Variants in CDHR2 observed in about 807,000 individuals in gnomAD.
CDHR2 encodes cadherin-related family member 2.
In CDHR2, 104 loss-of-function variants were observed where a neutral mutation model predicts 138.6. That is an observed-to-expected ratio of 0.75 (90% CI 0.64 to 0.88). The LOEUF (loss-of-function observed/expected upper bound fraction) is 0.88. Among genes scored for constraint, CDHR2 ranks in the 40% least tolerant of loss-of-function variants. CDHR2 has a pLI of 0.00. For synonymous variants in CDHR2, 755 were observed against 742.8 expected (o/e 1.02, Z -0.27); for missense variants, 1,624 against 1,727.6 (o/e 0.94, Z 1.06).
chr5:176,551,066 A>C (rs1757693747), intron 1 of CDHR2, among the ~76,000 whole-genome samples: 1 of 151,746 alleles, frequency 6.6e-6, no homozygotes, highest in African/African-American at 2.4e-5. Context: ...CTGGAGTGCA[A>C]GGCGCTATCT....
In CDHR2 at chr5:176,595,646, G is replaced by A. The variant is rs769022271; in HGVS notation, c.3907G>A (p.Ala1303Thr). ...GQLEGPSYTNAGLDTTDL is the reference protein window; with the variant it reads ...GQLEGPSYTNTGLDTTDL Reference sequence around the variant, plus strand: ...GCTGGAGGGGCCATCCTACACCAACGCTGGCCTGGACACCACGGACCTGTG... The same window carrying A: ...GCTGGAGGGGCCATCCTACACCAACACTGGCCTGGACACCACGGACCTGTG... The change falls in exon 32 of 32, where the codon GCT becomes ACT. Residue 1303 changes from alanine (A) to threonine (T), a missense_variant. Ala to Thr is a moderately conservative substitution (Grantham distance 58, BLOSUM62 0). Around this residue, in one of 3 missense-constraint regions of CDHR2, gnomAD observed 556 missense variants for 565.7 expected, o/e 0.98. Transcript: ENST00000261944. 4.4e-6 allele frequency: 7 copies of A among 1,607,792 alleles called. 1 individual carries two copies. The South Asian group carries it at 5.5e-5, about 13-fold the overall frequency.
At chr5:176,582,380 C>A (rs1758552534) in intron 17 of CDHR2, among the ~76,000 whole-genome samples, 1 of 152,092 alleles carries the variant, frequency 6.6e-6, no homozygotes. Context: ...ATTGTCCAGG[C>A]CAATTTTGAA....
chr5:176,591,807 A>T, intron 30 of CDHR2: 4 of 188,950 alleles, frequency 2.1e-5, no homozygotes, highest in Middle Eastern at 2.5e-3. Flanking sequence ...TGTTGAGGTG[A>T]TGGTGATGGT....
At chr5:176,588,966 C>T (rs922735655) in intron 21 of CDHR2, 65 bp from the exon 22 acceptor site, 1 of 1,563,996 alleles carries the variant, frequency 6.4e-7, no homozygotes, top group Non-Finnish European at 8.7e-7. Context: ...GCCTCTGATC[C>T]CTGCTGGGGT....
In CDHR2 at chr5:176,574,140, T is replaced by C; in HGVS notation, c.463T>C (p.Ser155Pro). ...GCTGGCCGTGGATAAAGACATGGGGTCTGCAGGCATGGTCGTGTACTCCAT... is the reference window on the plus strand; with the variant it reads ...GCTGGCCGTGGATAAAGACATGGGGCCTGCAGGCATGGTCGTGTACTCCAT... ...SVLAVDKDMG[S>P]AGMVVYSIEK... Residue 155 changes from serine (S) to proline (P), a missense_variant, in exon 7 of 32, where the codon TCT becomes CCT. Physicochemically the swap from Ser to Pro is moderately conservative, Grantham distance 74. This residue lies in a region of CDHR2 where 1,061 missense variants were observed against 1,136.6 expected (regional missense o/e 0.93). Coordinates refer to ENST00000261944, the MANE Select transcript of CDHR2 (RefSeq NM_017675.6). 1 of 1,613,840 alleles carries C rather than the reference T, an allele frequency of 6.2e-7. No individual in the cohort carries two copies. Among genetic ancestry groups the C allele is most frequent in the East Asian group, 2.2e-5 (1 of 44,856 alleles).
chr5:176,565,586 AGG>A, intron 2 of CDHR2, 84 bp from the exon 3 acceptor site: 1 of 1,335,760 alleles, frequency 7.5e-7, no homozygotes, highest in Non-Finnish European at 1.1e-6. Flanking sequence ...GGTGGCCATA[AGG>A]ACTAGTGTGT....
At position 176,575,586 on chromosome 5, in the gene CDHR2, G is replaced by C; in HGVS notation, c.844+5G>C. ...CTGTGATCTACAGCATCTCCTGTGA[G>C]AACGGGGTGTCCCCAGGCCAGGGCT... On this transcript the variant is annotated splice_donor_5th_base_variant and intron_variant, in intron 10 of 31. Coordinates refer to ENST00000261944, the MANE Select transcript of CDHR2 (RefSeq NM_017675.6). 1 of 1,613,974 alleles carries C rather than the reference G, an allele frequency of 6.2e-7. No homozygotes were observed. The highest frequency in any genetic ancestry group is 1.1e-5 in the South Asian group (1 of 91,066).
intron 21 of CDHR2, among the ~76,000 whole-genome samples, chr5:176,588,379 G>C (rs1258580457): frequency 6.6e-6 from 1 of 150,800 alleles, no homozygotes; most frequent in East Asian, 1.9e-4. Context: ...GAGTGTGTGT[G>C]AATTGAGTGT....
intron 17 of CDHR2, among the ~76,000 whole-genome samples, chr5:176,583,045 T>G (rs1758565284): frequency 6.6e-6 from 1 of 152,114 alleles, no homozygotes; most frequent in African/African-American, 2.4e-5. Context: ...CACACAAGGG[T>G]CAGAGAGTGA....
At chr5:176,590,708 G>A (rs549092107) in intron 28 of CDHR2, 21 bp downstream of exon 28, 10 of 1,612,246 alleles carry the variant, frequency 6.2e-6, no homozygotes, top group South Asian at 3.3e-5. Flanking sequence ...CATTGCCCCC[G>A]TGTCTCCAAC....
chr5:176,578,552 G>A lies in CDHR2; in HGVS notation c.1762G>A (p.Gly588Ser), dbSNP rs759085066. The change falls in exon 16 of 32, where the codon GGC becomes AGC. Residue 588 changes from glycine to serine, a missense_variant. Gly to Ser is a moderately conservative substitution (Grantham distance 56, BLOSUM62 0). Around this residue, in one of 3 missense-constraint regions of CDHR2, gnomAD observed 1,061 missense variants for 1,136.6 expected, o/e 0.93. Transcript: ENST00000261944. ...DINDNAPVVS[G>S]SYNIFVQEEE... is the part of the protein sequence containing the mutation. ...CAACGACAATGCACCCGTGGTTAGC[G>A]GCTCCTACAACATCTTCGTCCAGGA... is the stretch of plus-strand genomic sequence containing the variant. 37 of 1,613,890 alleles carry A rather than the reference G, an allele frequency of 2.3e-5. No individual in the cohort carries two copies. Among genetic ancestry groups the A allele is most frequent in the East Asian group, 4.5e-5 (2 of 44,892 alleles).
rs1389841708 is a variant in CDHR2 at position 176,576,253 on chromosome 5, A to T, written c.1194+68A>T. On this transcript the variant is annotated intron_variant, in intron 12 of 31. Coordinates refer to ENST00000261944, the MANE Select transcript of CDHR2 (RefSeq NM_017675.6). This position sits in a 1 kb window ranked among gnomAD's most constrained non-coding sequence, Gnocchi z 4.5. ...GGCCAGTGGGAGCCTGGATCGAGTG[A>T]CGGTGTCATGTGGTGCTGGGTGGCG... is the stretch of plus-strand genomic sequence containing the variant. 2.3e-6 allele frequency: 3 copies of T among 1,285,008 alleles called. No homozygotes were observed. In the Admixed American group the frequency reaches 5.5e-5, roughly 24 times the overall value. 79.6% of individuals were successfully genotyped at this position (1,285,008 alleles called of 1,614,324 possible). A position where few individuals can be genotyped will look rare whatever the true frequency, so the allele number is the denominator to read the frequency against.
chr5:176,584,339 A>G lies in CDHR2; in HGVS notation c.2129-71A>G. 2.5e-6 allele frequency: 4 copies of G among 1,613,514 alleles called. No homozygotes were observed. In the South Asian group the frequency reaches 4.4e-5, roughly 18 times the overall value. ...GTCAGGGTGGACCTCGAGTTCCAAG[A>G]GAGGCAAGGGCAGAGGAGGCTTCCG... On this transcript the variant is annotated intron_variant, in intron 18 of 31. Coordinates refer to ENST00000261944, the MANE Select transcript of CDHR2 (RefSeq NM_017675.6).
At position 176,590,681 on chromosome 5, in the gene CDHR2, G is replaced by A. The variant is rs138471357; in HGVS notation, c.3533G>A (p.Arg1178Gln). Reference sequence around the variant, plus strand: ...ATGACCATGGCCTTCGTGTGTGTGCGGAAGAGGTGCGGCTCCCATTGCCCC... The same window carrying A: ...ATGACCATGGCCTTCGTGTGTGTGCAGAAGAGGTGCGGCTCCCATTGCCCC... ...VIMTMAFVCV[R>Q]KSYNRKLQAM... The change falls in exon 28 of 32, where the codon CGG (arginine) becomes CAG (glutamine). Residue 1178 changes from arginine to glutamine, a missense_variant. By Grantham distance (43) the Arg-to-Gln change is conservative (BLOSUM62 1). This residue lies in a region of CDHR2 where 556 missense variants were observed against 565.7 expected (regional missense o/e 0.98). Transcript: ENST00000261944. The A allele has an allele frequency of 1.9e-5, 31 of 1,613,070 alleles. No homozygotes were observed. The highest frequency in any genetic ancestry group is 9.4e-5 in the African/African-American group (7 of 74,846).
chr5:176,565,475 G>A, intron 2 of CDHR2, 71 bp downstream of exon 2: 2 of 1,476,648 alleles, frequency 1.4e-6, no homozygotes, highest in African/African-American at 2.8e-5. Flanking sequence ...CAGAAAGGAG[G>A]GGGATCCCTC....
chr5:176,557,102 A>G (rs1757849996), intron 1 of CDHR2, among the ~76,000 whole-genome samples: 1 of 150,268 alleles, frequency 6.7e-6, no homozygotes, highest in Non-Finnish European at 1.5e-5. Context: ...TGCAGCCTCA[A>G]ACTCCCGGGC....
chr5:176,577,690 C>G lies in CDHR2; in HGVS notation c.1404C>G (p.Ile468Met). 6.2e-7 allele frequency: 1 copy of G among 1,614,240 alleles called. No homozygotes were observed. The highest frequency in any genetic ancestry group is 1.1e-5 in the South Asian group (1 of 91,084). The change falls in exon 14 of 32, where the codon ATC becomes ATG. Residue 468 changes from isoleucine to methionine, a missense_variant. By Grantham distance (10) the Ile-to-Met change is conservative. Transcript: ENST00000261944. ...ACTTCTCCGTCGCCATGGTGACCAT[C>G]CACCTTAGAGACATTAATGACCACA... ...SQNFSVAMVT[I>M]HLRDINDHRP...
intron 28 of CDHR2, among the ~76,000 whole-genome samples, chr5:176,590,958 G>A (rs1246596851): frequency 4.6e-5 from 7 of 152,346 alleles, no homozygotes; most frequent in African/African-American, 1.2e-4. Flanking sequence ...CACACTATGC[G>A]TTTAATAGAT....
rs1017490692 is a variant in CDHR2, at chr5:176,581,275, G to A, written c.1819-68G>A. The A allele has an allele frequency of 9.0e-5, 143 of 1,589,892 alleles. 1 individual carries two copies. Among genetic ancestry groups the A allele is most frequent in the Middle Eastern group, 6.7e-4 (4 of 5,984 alleles). On this transcript the variant is annotated intron_variant, in intron 16 of 31. Transcript: ENST00000261944. ...GGCCAGCGCTGGAGAGGAGGGTCCG[G>A]CTGCATCGGAGGGGCTGGGGGCTGG...
Sources: allele counts gnomAD v4.1 joint callset (sites outside exome capture counted in the v4.1 genomes callset), GRCh38; gene constraint gnomAD v4.1.1; regional missense constraint gnomAD v4.1.1; non-coding constraint Gnocchi (gnomAD v3.1); transcripts MANE v1.5; gene names NCBI Gene and HGNC (gene_info 2026-07-23, HGNC 2026-07-21).